Variants in FOXP1 observed in about 807,000 individuals in gnomAD.
The protein encoded by FOXP1 is forkhead box P1.
A neutral mutation model predicts 98.2 loss-of-function variants in FOXP1; 15 were observed. The ratio of observed to expected loss-of-function variants is 0.15; its 90% CI spans 0.10 to 0.24. FOXP1 has a LOEUF of 0.24. FOXP1 is among the 10% of genes least tolerant of loss of function. The pLI is 1.00. For missense variants in FOXP1, 633 were observed against 848.5 expected (o/e 0.75, Z 3.15); for synonymous variants, 371 against 314.5 (o/e 1.18, Z -1.90).
At chr3:70,999,718 C>T (rs568188542) in intron 13 of FOXP1, among the ~76,000 whole-genome samples, 1 of 144,584 alleles carries the variant, frequency 6.9e-6, no homozygotes, top group Non-Finnish European at 1.5e-5. Flanking sequence ...AAAGTCACAA[C>T]AAAAAGTTTA....
intron 6 of FOXP1, among the ~76,000 whole-genome samples, chr3:71,119,881 G>C (rs900700431): frequency 6.6e-6 from 1 of 152,140 alleles, no homozygotes; most frequent in Non-Finnish European, 1.5e-5. Flanking sequence ...CAAAGCAACA[G>C]GTTCTTCAAA....
At chr3:71,203,028 A>AGTATGC (rs1394047532) in intron 5 of FOXP1, among the ~76,000 whole-genome samples, 2 of 152,184 alleles carry the variant, frequency 1.3e-5, no homozygotes, top group Non-Finnish European at 2.9e-5. Context: ...GCCTTGCTCC[A>AGTATGC]TGACATACTG....
Position 71,064,846 on chromosome 3 carries a change from C to T in FOXP1, c.283-11073G>A, listed in dbSNP as rs1025149965. 9 of 982,890 alleles carry T rather than the reference C, an allele frequency of 9.2e-6. No individual in the cohort carries two copies. In the African/African-American group the frequency reaches 1.4e-4, roughly 15 times the overall value. The allele number at this position is 982,890 out of a possible 1,614,324, so 60.9% of individuals were successfully genotyped here. On this transcript the variant is annotated intron_variant, in intron 7 of 20. Coordinates refer to ENST00000649528, the MANE Select transcript of FOXP1 (RefSeq NM_001349338.3). Reference sequence around the variant, plus strand: ...AACCTGACACTCTCCATGTAGCCGCCAGGCGCGCGGAGCCGGGCTCGGGGC... The same window carrying T: ...AACCTGACACTCTCCATGTAGCCGCTAGGCGCGCGGAGCCGGGCTCGGGGC...
intron 7 of FOXP1, among the ~76,000 whole-genome samples, chr3:71,105,941 T>C (rs1418661828): frequency 6.6e-6 from 1 of 152,214 alleles, no homozygotes; most frequent in Non-Finnish European, 1.5e-5. Flanking sequence ...AATTTACTTA[T>C]TTATGGAAAA....
chr3:71,251,806 T>C (rs1437110929), intron 5 of FOXP1, among the ~76,000 whole-genome samples: 2 of 152,252 alleles, frequency 1.3e-5, no homozygotes, highest in Non-Finnish European at 2.9e-5. Context: ...TAATTGTATA[T>C]GTATCTCCTT....
At chr3:71,487,866 T>C (rs897487648) in intron 3 of FOXP1, among the ~76,000 whole-genome samples, 1 of 152,228 alleles carries the variant, frequency 6.6e-6, no homozygotes, top group Non-Finnish European at 1.5e-5. Context: ...AGTTGGATCA[T>C]ATTCTCATTC....
At chr3:71,505,415 C>CTTT (rs66459828) in intron 2 of FOXP1, among the ~76,000 whole-genome samples, 35 of 82,116 alleles carry the variant, frequency 4.3e-4, no homozygotes, top group Admixed American at 8.5e-4. Flanking sequence ...AAGAGGGATG[C>CTTT]TTTTTTTTTT....
intron 2 of FOXP1, among the ~76,000 whole-genome samples, chr3:71,548,067 G>T (rs1233558661): frequency 6.6e-6 from 1 of 152,170 alleles, no homozygotes; most frequent in Non-Finnish European, 1.5e-5. Flanking sequence ...TTTGGCTGGG[G>T]CCTCTCAATG....
chr3:71,121,382 G>C (rs13079951), intron 6 of FOXP1, among the ~76,000 whole-genome samples: 16 of 150,562 alleles, frequency 1.1e-4, no homozygotes, highest in Admixed American at 4.0e-4. Context: ...AAAAAAAAGG[G>C]GGGGGGGATA....
At chr3:71,509,091 T>A (rs1297073294) in intron 2 of FOXP1, among the ~76,000 whole-genome samples, 2 of 152,242 alleles carry the variant, frequency 1.3e-5, no homozygotes, top group Non-Finnish European at 2.9e-5. Flanking sequence ...TTCTTCCTTG[T>A]AATGGTTTTC....
At chr3:71,087,464 A>G (rs1432193317) in intron 7 of FOXP1, among the ~76,000 whole-genome samples, 1 of 152,242 alleles carries the variant, frequency 6.6e-6, no homozygotes, top group Non-Finnish European at 1.5e-5. Flanking sequence ...TTGATGCAAC[A>G]AATAAGGGCA....
chr3:71,545,904 T>C (rs2045319759), intron 2 of FOXP1, among the ~76,000 whole-genome samples: 1 of 152,202 alleles, frequency 6.6e-6, no homozygotes, highest in Admixed American at 6.5e-5. Context: ...CCTCTACCAG[T>C]GAACCATGGG....
chr3:71,019,155 A>G (rs2045003571), intron 11 of FOXP1, among the ~76,000 whole-genome samples: 1 of 152,230 alleles, frequency 6.6e-6, no homozygotes, highest in Non-Finnish European at 1.5e-5. Flanking sequence ...AAAAAAGACA[A>G]GAAGGGAAAT....
At chr3:71,548,928 T>A (rs2045567942) in intron 2 of FOXP1, among the ~76,000 whole-genome samples, 1 of 152,226 alleles carries the variant, frequency 6.6e-6, no homozygotes, top group Admixed American at 6.5e-5. Flanking sequence ...AGGTAAATAT[T>A]GCCATTTTAC....
intron 6 of FOXP1, among the ~76,000 whole-genome samples, chr3:71,170,078 A>AG (rs1276327264): frequency 6.6e-6 from 1 of 152,326 alleles, no homozygotes; most frequent in East Asian, 1.9e-4. Flanking sequence ...TAATGAGAGG[A>AG]GAACTGGTAA....
intron 7 of FOXP1, among the ~76,000 whole-genome samples, chr3:71,101,832 T>C (rs831435): frequency 0.73 from 110,406 of 151,988 alleles, 41,262 homozygotes; most frequent in Admixed American, 0.84. Context: ...ACATTTACCA[T>C]GAACACCGCT....
chr3:71,099,866 C>G (rs981099374), intron 7 of FOXP1, among the ~76,000 whole-genome samples: 2 of 152,142 alleles, frequency 1.3e-5, no homozygotes, highest in African/African-American at 4.8e-5. Context: ...GATCCTGTGG[C>G]TTTAAAGGAC....
At chr3:71,095,884 A>G (rs2056407316) in intron 7 of FOXP1, among the ~76,000 whole-genome samples, 1 of 152,212 alleles carries the variant, frequency 6.6e-6, no homozygotes, top group South Asian at 2.1e-4. Context: ...AGAAAAGGAG[A>G]TGAACTGTAC....
chr3:71,459,435 T>C (rs2087808215), intron 3 of FOXP1, among the ~76,000 whole-genome samples: 1 of 152,216 alleles, frequency 6.6e-6, no homozygotes, highest in Non-Finnish European at 1.5e-5. Flanking sequence ...AGTATTTAAA[T>C]ACTGAAAAAG....
Sources: gnomAD v4.1 joint callset for allele counts (sites outside exome capture counted in the v4.1 genomes callset) on GRCh38, gnomAD v4.1.1 for gene constraint, MANE v1.5 for transcripts, NCBI Gene and HGNC (gene_info 2026-07-23, HGNC 2026-07-21) for gene names.